Variants in CSMD1 observed in about 807,000 individuals in gnomAD.
CSMD1 encodes CUB and Sushi multiple domains 1, also known as CUB and sushi domain-containing protein 1.
CSMD1 carries 213 observed loss-of-function variants against 417.5 expected under a neutral mutation model. That is an observed-to-expected ratio of 0.51 (90% confidence interval 0.46 to 0.57). CSMD1 has a LOEUF of 0.57. CSMD1 is among the 20% of genes least tolerant of loss of function. The pLI is 0.00. For missense variants in CSMD1, 6,923 were observed against 4,529.7 expected (o/e 1.53, Z -15.17); for synonymous variants, 2,862 against 1,736.8 (o/e 1.65, Z -16.11).
intron 2 of CSMD1, among the ~76,000 whole-genome samples, chr8:4,620,258 G>A (rs1443988956): frequency 6.6e-6 from 1 of 151,466 alleles, no homozygotes; most frequent in African/African-American, 2.4e-5. Flanking sequence ...AATAACAATT[G>A]CTCTATCTAA....
At chr8:4,057,225 CTA>C (rs1563065869) in intron 3 of CSMD1, among the ~76,000 whole-genome samples, 5,212 of 150,978 alleles carry the variant, frequency 0.035, 294 homozygotes, top group African/African-American at 0.11. Flanking sequence ...GATTGCCATT[CTA>C]ACTGGTGTGA....
intron 4 of CSMD1, among the ~76,000 whole-genome samples, chr8:4,022,136 A>G (rs1796819961): frequency 6.8e-6 from 1 of 146,732 alleles, no homozygotes; most frequent in Non-Finnish European, 1.5e-5. Flanking sequence ...ATATATACAT[A>G]AATATGTATA....
chr8:3,717,450 G>C (rs62476978), intron 6 of CSMD1, among the ~76,000 whole-genome samples: 22,119 of 151,976 alleles, frequency 0.15, 1,940 homozygotes, highest in East Asian at 0.25. Context: ...TATTGTAACT[G>C]TGAAATATTC....
intron 3 of CSMD1, among the ~76,000 whole-genome samples, chr8:4,055,056 C>G (rs910276942): frequency 1.3e-5 from 2 of 152,074 alleles, no homozygotes; most frequent in African/African-American, 4.8e-5. Flanking sequence ...ATACTATATT[C>G]AAACAATCAG....
chr8:3,691,095 G>A (rs182023616), intron 7 of CSMD1, among the ~76,000 whole-genome samples: 48 of 152,110 alleles, frequency 3.2e-4, no homozygotes, highest in Non-Finnish European at 1.5e-5. Context: ...GGCCGGGCTT[G>A]GTGGCTCACA....
intron 23 of CSMD1, among the ~76,000 whole-genome samples, chr8:3,315,023 A>G (rs73503736): frequency 0.015 from 2,283 of 152,332 alleles, 54 homozygotes; most frequent in African/African-American, 0.051. Context: ...AATCTCTGAT[A>G]TATTTTCTCA....
At chr8:4,424,181 A>C (rs1797414596) in intron 2 of CSMD1, among the ~76,000 whole-genome samples, 1 of 152,064 alleles carries the variant, frequency 6.6e-6, no homozygotes, top group Admixed American at 6.6e-5. Context: ...GAAAAAGATA[A>C]GTTAATAAAT....
At chr8:3,827,182 T>A (rs148934975) in intron 5 of CSMD1, among the ~76,000 whole-genome samples, 1 of 152,224 alleles carries the variant, frequency 6.6e-6, no homozygotes, top group Non-Finnish European at 1.5e-5. Flanking sequence ...GTTCTTGAGG[T>A]ATTACATATT....
chr8:4,684,681 ACAT>A (rs763314458), intron 1 of CSMD1, among the ~76,000 whole-genome samples: 8 of 152,200 alleles, frequency 5.3e-5, no homozygotes, highest in Non-Finnish European at 8.8e-5. Context: ...TACATGTGAA[ACAT>A]CATACATACG....
At chr8:4,462,100 C>G (rs1345975782) in intron 2 of CSMD1, among the ~76,000 whole-genome samples, 1 of 151,984 alleles carries the variant, frequency 6.6e-6, no homozygotes, top group Non-Finnish European at 1.5e-5. Flanking sequence ...GTCTCAAACT[C>G]CTGGGCTCAA....
chr8:4,957,085 A>G (rs1352540973), intron 1 of CSMD1, among the ~76,000 whole-genome samples: 1 of 152,234 alleles, frequency 6.6e-6, no homozygotes, highest in East Asian at 1.9e-4. Context: ...GATATGCTAG[A>G]AGTATGAATT....
intron 1 of CSMD1, among the ~76,000 whole-genome samples, chr8:4,863,513 A>T (rs1467252665): frequency 6.6e-6 from 1 of 152,100 alleles, no homozygotes; most frequent in Non-Finnish European, 1.5e-5. Context: ...GAATATTTTA[A>T]TGAAAAGGGT....
intron 1 of CSMD1, among the ~76,000 whole-genome samples, chr8:4,863,857 G>A (rs760764876): frequency 2.9e-4 from 44 of 151,884 alleles, no homozygotes; most frequent in Non-Finnish European, 5.4e-4. Context: ...ACTTTTTCTT[G>A]ATTTTATTCT....
intron 5 of CSMD1, among the ~76,000 whole-genome samples, chr8:3,801,247 C>G (rs1800441382): frequency 6.6e-6 from 1 of 151,248 alleles, no homozygotes; most frequent in Non-Finnish European, 1.5e-5. Context: ...ATAGAGAGAA[C>G]TTACAAGTCA....
intron 3 of CSMD1, among the ~76,000 whole-genome samples, chr8:4,062,716 G>T (rs1799040583): frequency 6.6e-6 from 1 of 150,614 alleles, no homozygotes; most frequent in Admixed American, 6.6e-5. Flanking sequence ...CATTATTCCT[G>T]ATCAGCATTA....
intron 7 of CSMD1, among the ~76,000 whole-genome samples, chr8:3,694,990 A>G (rs960973569): frequency 6.6e-6 from 1 of 152,076 alleles, no homozygotes; most frequent in African/African-American, 2.4e-5. Flanking sequence ...CTGAGTTTTT[A>G]AAGATGATTA....
At chr8:4,037,944 G>C (rs892771872) in intron 3 of CSMD1, among the ~76,000 whole-genome samples, 2 of 152,172 alleles carry the variant, frequency 1.3e-5, no homozygotes, top group Non-Finnish European at 2.9e-5. Context: ...TCAAAATTCA[G>C]TTGGACAAAA....
At chr8:3,789,587 T>A (rs768177145) in intron 5 of CSMD1, among the ~76,000 whole-genome samples, 1 of 151,880 alleles carries the variant, frequency 6.6e-6, no homozygotes, top group Non-Finnish European at 1.5e-5. Flanking sequence ...ATAAAGCTTA[T>A]ATGACTAGAG....
At chr8:4,527,864 A>C (rs976652173) in intron 2 of CSMD1, among the ~76,000 whole-genome samples, 2 of 152,194 alleles carry the variant, frequency 1.3e-5, no homozygotes, top group Non-Finnish European at 2.9e-5. Context: ...ATGACGTCTT[A>C]GTTCTATGAA....
Sources: gnomAD v4.1 joint callset for allele counts (sites outside exome capture counted in the v4.1 genomes callset) on GRCh38, gnomAD v4.1.1 for gene constraint, MANE v1.5 for transcripts, NCBI Gene and HGNC (gene_info 2026-07-23, HGNC 2026-07-21) for gene names.